The following CDH1 variants were observed in gnomAD, a reference collection of about 807,000 sequenced individuals.
CDH1 encodes cadherin-1.
Under a neutral mutation model 84.5 loss-of-function variants are expected in CDH1, and 35 were observed. The observed-to-expected ratio is 0.41, with a 90% CI of 0.32 to 0.55. The LOEUF (loss-of-function observed/expected upper bound fraction) is 0.55. CDH1 is among the 20% of genes least tolerant of loss of function. CDH1 has a pLI of 0.19. For missense variants in CDH1, 994 were observed against 1,126.6 expected (o/e 0.88, Z 1.68); for synonymous variants, 417 against 439.0 (o/e 0.95, Z 0.63).
chr16:68,802,718 G>A (rs1960549729), intron 3 of CDH1, among the ~76,000 whole-genome samples: 1 of 152,104 alleles, frequency 6.6e-6, no homozygotes, highest in Admixed American at 6.6e-5. Flanking sequence ...TGATCTGCCT[G>A]CCTCAGCCTC....
chr16:68,813,124 G>A (rs942702060), intron 8 of CDH1, among the ~76,000 whole-genome samples, 189 bp from the exon 9 acceptor site: 14 of 152,006 alleles, frequency 9.2e-5, no homozygotes, highest in Non-Finnish European at 8.8e-5. Flanking sequence ...GGCTGAGGTG[G>A]GAGGATTGCT....
intron 2 of CDH1, among the ~76,000 whole-genome samples, chr16:68,754,133 AAT>A (rs1555511128): frequency 1.2e-4 from 18 of 148,972 alleles, no homozygotes; most frequent in African/African-American, 4.2e-4. Context: ...AAAAAAAAAA[AAT>A]TATTCGGCAG....
intron 12 of CDH1, chr16:68,822,528 G>A: frequency 1.9e-6 from 1 of 532,966 alleles, no homozygotes. Context: ...GCTACCTCCT[G>A]CTCCTGGGAC....
chr16:68,754,116 C>CA lies in CDH1; in HGVS notation c.163+15723dup, dbSNP rs34969874. 9.2e-3 allele frequency among the ~76,000 whole-genome samples: 1,116 copies of CA among 121,878 alleles called. 14 individuals are homozygous for CA. Among genetic ancestry groups the CA allele is most frequent in the African/African-American group, 0.028 (894 of 31,862 alleles). 80.0% of individuals were successfully genotyped at this position (121,878 alleles called of 152,430 possible). A position where few individuals can be genotyped will look rare whatever the true frequency, so the allele number is the denominator to read the frequency against. ...TGGGTGACAGAGCGAGATTCTGTCT[C>CA]AAAAAAAAAAAAAAAAAATTATTCG... On this transcript the variant is annotated intron_variant, in intron 2 of 15. Coordinates refer to ENST00000261769, the MANE Select transcript of CDH1 (RefSeq NM_004360.5).
Position 68,802,538 on chromosome 16 carries a change from G to A in CDH1, c.387+645G>A, listed in dbSNP as rs907593491. Among the ~76,000 whole-genome samples the A allele has an allele frequency of 4.0e-5, 6 of 151,592 alleles. No individual in the cohort carries two copies. The East Asian group carries it at 9.7e-4, about 24-fold the overall frequency. ...GTGGCTCAGGCTGGAGTGCAGTGGCGTGACTCACAGCAACCTCCACCTCCC... is the reference window on the plus strand; with the variant it reads ...GTGGCTCAGGCTGGAGTGCAGTGGCATGACTCACAGCAACCTCCACCTCCC... On this transcript the variant is annotated intron_variant, in intron 3 of 15. Coordinates refer to ENST00000261769, the MANE Select transcript of CDH1 (RefSeq NM_004360.5).
At chr16:68,793,610 G>A (rs1960270980) in intron 2 of CDH1, among the ~76,000 whole-genome samples, 1 of 152,192 alleles carries the variant, frequency 6.6e-6, no homozygotes, top group Non-Finnish European at 1.5e-5. Context: ...AAGGGATGCT[G>A]GCCAGGCGCA....
chr16:68,826,515 C>T (rs1233009970), intron 13 of CDH1: 1 of 152,162 alleles, frequency 6.6e-6, no homozygotes, highest in Non-Finnish European at 1.5e-5. Context: ...ATAATCTCAA[C>T]ACTTTGGGAG....
chr16:68,757,087 T>TTTTTG (rs1272021273), intron 2 of CDH1, among the ~76,000 whole-genome samples: 5 of 152,214 alleles, frequency 3.3e-5, no homozygotes, highest in African/African-American at 7.2e-5. Context: ...GAGTCTCTGA[T>TTTTTG]TTTTGTTTTG....
Position 68,815,503 on chromosome 16 carries a change from TC to T in CDH1, c.1321-11del, listed in dbSNP as rs761117936. 2 of 1,614,210 alleles carry T rather than the reference TC, an allele frequency of 1.2e-6. No homozygotes were observed. The highest frequency in any genetic ancestry group is 1.7e-6 in the Non-Finnish European group (2 of 1,180,050). On this transcript the variant is annotated splice_polypyrimidine_tract_variant and intron_variant, in intron 9 of 15. Coordinates refer to ENST00000261769, the MANE Select transcript of CDH1 (RefSeq NM_004360.5). ...TCGTTTTGTTTTTAACTTCATTGTT[TC>T]TGCTCTCTAGGGCTTGGATTTTGAG... is the stretch of plus-strand genomic sequence containing the variant.
chr16:68,807,999 G>C (rs1731298217), intron 3 of CDH1, among the ~76,000 whole-genome samples: 1 of 152,162 alleles, frequency 6.6e-6, no homozygotes, highest in South Asian at 2.1e-4. Flanking sequence ...CTTGAGCCTG[G>C]GAGGCAGAGG....
chr16:68,745,976 C>A (rs778987031), intron 2 of CDH1, among the ~76,000 whole-genome samples: 5 of 152,150 alleles, frequency 3.3e-5, no homozygotes, highest in Non-Finnish European at 5.9e-5. Flanking sequence ...CACCACTACG[C>A]CTGGCAATTT....
At chr16:68,779,216 A>C (rs1327840388) in intron 2 of CDH1, among the ~76,000 whole-genome samples, 2 of 152,184 alleles carry the variant, frequency 1.3e-5, no homozygotes, top group Non-Finnish European at 2.9e-5. Flanking sequence ...GAGATGCCCC[A>C]GTGGCTTGTC....
At chr16:68,755,192 C>T (rs1962985663) in intron 2 of CDH1, among the ~76,000 whole-genome samples, 1 of 147,108 alleles carries the variant, frequency 6.8e-6, no homozygotes, top group Non-Finnish European at 1.5e-5. Flanking sequence ...GAGAGGATCA[C>T]TTGAGCCTGG....
At chr16:68,760,745 C>G (rs1488507030) in intron 2 of CDH1, among the ~76,000 whole-genome samples, 1 of 152,142 alleles carries the variant, frequency 6.6e-6, no homozygotes, top group Non-Finnish European at 1.5e-5. Context: ...CACTGGGATG[C>G]CAAGTCGTCA....
chr16:68,759,908 T>A lies in CDH1; in HGVS notation c.163+21497T>A, dbSNP rs1200094926. On this transcript the variant is annotated intron_variant, in intron 2 of 15. Coordinates refer to ENST00000261769, the MANE Select transcript of CDH1 (RefSeq NM_004360.5). ...TCCTTCCTGTGCTCAGCGGCTCTAT[T>A]TCTAAGAATGTTTCCATTCTAGATC... Among the ~76,000 whole-genome samples, 4 of 152,052 alleles carry A rather than the reference T, an allele frequency of 2.6e-5. No homozygotes were observed. The East Asian group carries it at 7.7e-4, about 29-fold the overall frequency.
Position 68,815,874 on chromosome 16 carries a change from T to C in CDH1, c.1565+115T>C, listed in dbSNP as rs146568583. On this transcript the variant is annotated intron_variant, in intron 10 of 15. Coordinates refer to ENST00000261769, the MANE Select transcript of CDH1 (RefSeq NM_004360.5). ...TTTGTCATTTGTCTGTACAAGACCA[T>C]TCTCTTAATTTATTTTTTATTCCCT... is the stretch of plus-strand genomic sequence containing the variant. 40 of 1,232,798 alleles carry C rather than the reference T, an allele frequency of 3.2e-5. No individual in the cohort carries two copies. The East Asian group carries it at 9.9e-4, about 30-fold the overall frequency. 76.4% of individuals were successfully genotyped at this position (1,232,798 alleles called of 1,614,324 possible). A position where few individuals can be genotyped will look rare whatever the true frequency, so the allele number is the denominator to read the frequency against.
chr16:68,758,952 T>G (rs968637661), intron 2 of CDH1, among the ~76,000 whole-genome samples: 1 of 151,964 alleles, frequency 6.6e-6, no homozygotes, highest in African/African-American at 2.4e-5. Flanking sequence ...CCTGCCACCA[T>G]GCCTGGCTAA....
chr16:68,830,367 A>G (rs994089743), intron 15 of CDH1, among the ~76,000 whole-genome samples: 12 of 152,196 alleles, frequency 7.9e-5, no homozygotes, highest in Non-Finnish European at 1.8e-4. Flanking sequence ...AGATCTAGAA[A>G]TGAAACTAGG....
chr16:68,833,431 T>C lies in CDH1; in HGVS notation c.2581T>C (p.Tyr861His), dbSNP rs1185746867. ...SESDKDQDYD[Y>H]LNEWGNRFKK... is the part of the protein sequence containing the mutation. The stretch of plus-strand genomic sequence containing the variant: ...GTCAGACAAAGACCAGGACTATGAC[T>C]ACTTGAACGAATGGGGCAATCGCTT... Residue 861 changes from tyrosine to histidine, a missense_variant, in exon 16 of 16, where the codon TAC (tyrosine) becomes CAC (histidine). This residue lies in a region of CDH1 where 769 missense variants were observed against 881.8 expected (regional missense o/e 0.87). Coordinates refer to ENST00000261769, the MANE Select transcript of CDH1 (RefSeq NM_004360.5). The C allele has an allele frequency of 1.2e-6, 2 of 1,614,182 alleles. No homozygotes were observed. The highest frequency in any genetic ancestry group is 2.2e-5 in the South Asian group (2 of 91,082).
Sources: allele counts gnomAD v4.1 joint callset (sites outside exome capture counted in the v4.1 genomes callset), GRCh38; gene constraint gnomAD v4.1.1; regional missense constraint gnomAD v4.1.1; transcripts MANE v1.5; gene names NCBI Gene and HGNC (gene_info 2026-07-23, HGNC 2026-07-21).